The following PTK7 variants were observed in gnomAD, a reference collection of about 807,000 sequenced individuals.
PTK7 encodes protein tyrosine kinase 7 (inactive), also known as inactive tyrosine-protein kinase 7.
PTK7 carries 39 observed loss-of-function variants against 116.6 expected under a neutral mutation model. The ratio of observed to expected loss-of-function variants is 0.33; its 90% CI spans 0.26 to 0.44. PTK7 has a LOEUF of 0.44. PTK7 is among the 20% of genes least tolerant of loss of function. The pLI, the probability that PTK7 is intolerant of heterozygous loss-of-function variation, is 1.00. For missense variants in PTK7, 1,169 were observed against 1,425.6 expected (o/e 0.82, Z 2.90); for synonymous variants, 546 against 563.6 (o/e 0.97, Z 0.44).
chr6:43,105,565 ATT>A (rs1767842946), intron 1 of PTK7, among the ~76,000 whole-genome samples: 1 of 151,854 alleles, frequency 6.6e-6, no homozygotes, highest in African/African-American at 2.4e-5. Context: ...ATATGACTTT[ATT>A]TGGAATTAGG....
chr6:43,142,566 A>G, intron 13 of PTK7: 1 of 549,578 alleles, frequency 1.8e-6, no homozygotes, highest in Non-Finnish European at 3.4e-6. Context: ...GCTGCCTCCC[A>G]GGTTCCTGCA....
At chr6:43,157,343 TATATATATA>T (rs1771508703) in intron 17 of PTK7, among the ~76,000 whole-genome samples, 2 of 41,558 alleles carry the variant, frequency 4.8e-5, no homozygotes, top group African/African-American at 1.1e-4. Flanking sequence ...TATATATATA[TATATATATA>T]TATATATATA....
chr6:43,152,757 A>ATGTTT (rs1335045455), intron 17 of PTK7, among the ~76,000 whole-genome samples: 5 of 151,350 alleles, frequency 3.3e-5, no homozygotes, highest in Admixed American at 2.0e-4. Flanking sequence ...ATGTTATGTT[A>ATGTTT]TGTTATGTTA....
chr6:43,126,292 C>T (rs1261054188), intron 1 of PTK7, among the ~76,000 whole-genome samples: 2 of 152,076 alleles, frequency 1.3e-5, no homozygotes, highest in East Asian at 1.9e-4. Context: ...TGCACTCCAG[C>T]GTGGGTGGCA....
rs1207171508 is a variant in PTK7, at chr6:43,131,786, T to C, written c.813-230T>C. ...CGCACCTGCATTGCCATTTGCCTCATTGCTTCCCGAGCTGATCTCCTGTAG... is the reference window on the plus strand; with the variant it reads ...CGCACCTGCATTGCCATTTGCCTCACTGCTTCCCGAGCTGATCTCCTGTAG... On this transcript the variant is annotated intron_variant, in intron 5 of 19. Transcript: ENST00000230419. 11 of 586,402 alleles carry C rather than the reference T, an allele frequency of 1.9e-5. No homozygotes were observed. In the East Asian group the frequency reaches 2.7e-4, roughly 14 times the overall value. The allele number at this position is 586,402 out of a possible 1,614,324, so 36.3% of individuals were successfully genotyped here.
intron 17 of PTK7, among the ~76,000 whole-genome samples, chr6:43,157,364 A>ATATATATATATATTTT (rs70990168): frequency 1.1e-4 from 6 of 54,350 alleles, no homozygotes; most frequent in East Asian, 8.0e-4. Context: ...ATATATATAT[A>ATATATATATATATTTT]TTTTTTTTTT....
At chr6:43,113,755 A>T (rs1768326242) in intron 1 of PTK7, among the ~76,000 whole-genome samples, 1 of 152,272 alleles carries the variant, frequency 6.6e-6, no homozygotes, top group East Asian at 1.9e-4. Context: ...ACCATTTTAG[A>T]TGTCAGGAAG....
At chr6:43,135,803 G>A (rs1429427166) in intron 7 of PTK7, among the ~76,000 whole-genome samples, 2 of 152,230 alleles carry the variant, frequency 1.3e-5, no homozygotes, top group East Asian at 3.8e-4. Context: ...TCAAAACGTG[G>A]TGGCACTTTG....
chr6:43,131,321 C>T (rs1018181245), intron 5 of PTK7, among the ~76,000 whole-genome samples: 2 of 151,272 alleles, frequency 1.3e-5, no homozygotes, highest in African/African-American at 2.4e-5. Flanking sequence ...GCCCTATCAA[C>T]GTGGCCCTGT....
At chr6:43,078,053 C>T (rs550213010) in intron 1 of PTK7, among the ~76,000 whole-genome samples, 18 of 152,254 alleles carry the variant, frequency 1.2e-4, no homozygotes, top group Non-Finnish European at 2.2e-4. Context: ...CACAGGCCCC[C>T]TGGCTGTCCT....
At chr6:43,091,740 T>C (rs1766965615) in intron 1 of PTK7, among the ~76,000 whole-genome samples, 1 of 152,254 alleles carries the variant, frequency 6.6e-6, no homozygotes, top group African/African-American at 2.4e-5. Flanking sequence ...TTTTATGCCA[T>C]TCAGAGTAGC....
At chr6:43,077,790 G>A (rs1766140708) in intron 1 of PTK7, among the ~76,000 whole-genome samples, 1 of 152,218 alleles carries the variant, frequency 6.6e-6, no homozygotes, top group Non-Finnish European at 1.5e-5. Context: ...GCCAGCTGTG[G>A]AGGGGTTTTG....
chr6:43,140,319 G>A (rs1454883824), intron 10 of PTK7, among the ~76,000 whole-genome samples: 2 of 151,906 alleles, frequency 1.3e-5, no homozygotes, highest in African/African-American at 2.4e-5. Context: ...CAGGGGTGGC[G>A]GCACGCATCT....
intron 1 of PTK7, among the ~76,000 whole-genome samples, chr6:43,099,408 A>T (rs1041085339): frequency 2.6e-5 from 4 of 151,958 alleles, no homozygotes; most frequent in Non-Finnish European, 4.4e-5. Context: ...AATTAAAAAA[A>T]TTTTTTTATA....
chr6:43,154,319 G>A (rs1187217120), intron 17 of PTK7, among the ~76,000 whole-genome samples: 2 of 151,890 alleles, frequency 1.3e-5, no homozygotes, highest in African/African-American at 4.8e-5. Context: ...CTGGGCAACA[G>A]GCACCCTGTC....
intron 1 of PTK7, among the ~76,000 whole-genome samples, chr6:43,115,384 C>A (rs1275041181): frequency 2.6e-5 from 4 of 152,056 alleles, no homozygotes; most frequent in African/African-American, 9.7e-5. Context: ...TAGGAAGTAT[C>A]TGGGAAGATC....
intron 1 of PTK7, among the ~76,000 whole-genome samples, chr6:43,118,625 CT>C (rs1768713026): frequency 1.8e-5 from 1 of 55,638 alleles, no homozygotes; most frequent in African/African-American, 9.8e-5. Context: ...TTTAACCTCT[CT>C]CTCTCTCTCT....
At chr6:43,111,616 AT>A (rs761483807) in intron 1 of PTK7, among the ~76,000 whole-genome samples, 1 of 152,050 alleles carries the variant, frequency 6.6e-6, no homozygotes, top group African/African-American at 2.4e-5. Context: ...TACCATGTGA[AT>A]TTTCTTTTTG....
Position 43,144,614 on chromosome 6 carries a change from G to A in PTK7, c.2407+8G>A, listed in dbSNP as rs776265521. ...AGCCCATCACCACGCTGGGTATGTT[G>A]CCTTGACTACAGCTGCCCCTGCCTA... On this transcript the variant is annotated splice_region_variant and intron_variant, in intron 15 of 19. Coordinates refer to ENST00000230419, the MANE Select transcript of PTK7 (RefSeq NM_002821.5). 1.2e-6 allele frequency: 2 copies of A among 1,603,084 alleles called. No homozygotes were observed. Among genetic ancestry groups the A allele is most frequent in the East Asian group, 4.5e-5 (2 of 44,736 alleles).
Sources: allele counts gnomAD v4.1 joint callset (sites outside exome capture counted in the v4.1 genomes callset), GRCh38; gene constraint gnomAD v4.1.1; transcripts MANE v1.5; gene names NCBI Gene and HGNC (gene_info 2026-07-23, HGNC 2026-07-21).